The following SEMA3A variants were observed in gnomAD, a reference collection of about 807,000 sequenced individuals.
SEMA3A encodes the protein semaphorin-3A.
SEMA3A carries 29 observed loss-of-function variants against 97.9 expected under a neutral mutation model. That is an observed-to-expected ratio of 0.30 (90% CI 0.22 to 0.40). The LOEUF (loss-of-function observed/expected upper bound fraction) is 0.40, where lower values mean the gene tolerates loss of function less well. SEMA3A is among the 10% of genes least tolerant of loss of function. The probability of loss-of-function intolerance (pLI) is 1.00; values close to 1 mark genes in which losing one functional copy is unlikely to be tolerated. For missense variants in SEMA3A, 763 were observed against 951.3 expected, an observed-to-expected ratio of 0.80 and a Z score of 2.60; for synonymous variants, 321 against 323.7, an observed-to-expected ratio of 0.99 and a Z score of 0.09.
chr7:84,273,845 A>G (rs28573206), intron 3 of SEMA3A, among the ~76,000 whole-genome samples: 1 of 151,820 alleles, frequency 6.6e-6, no homozygotes, highest in Non-Finnish European at 1.5e-5. Flanking sequence ...TTTTATTTCC[A>G]TATTACAGGG....
chr7:84,044,014 C>T (rs1487722870), intron 6 of SEMA3A, among the ~76,000 whole-genome samples: 2 of 151,986 alleles, frequency 1.3e-5, no homozygotes, highest in Non-Finnish European at 2.9e-5. Flanking sequence ...TTATGTTATT[C>T]CATCTTCTAA....
chr7:84,444,608 C>A (rs2116348481), intron 1 of SEMA3A, among the ~76,000 whole-genome samples: 1 of 145,910 alleles, frequency 6.9e-6, no homozygotes, highest in East Asian at 2.0e-4. Context: ...GTCTCCCAGT[C>A]TGGAGTACAG....
chr7:84,266,347 T>C (rs1800002419), intron 3 of SEMA3A, among the ~76,000 whole-genome samples: 1 of 150,948 alleles, frequency 6.6e-6, no homozygotes, highest in Admixed American at 6.6e-5. Flanking sequence ...AGAAAAATGT[T>C]TCTAATTGTA....
intron 3 of SEMA3A, among the ~76,000 whole-genome samples, chr7:84,237,589 A>G (rs1227965339): frequency 3.3e-5 from 5 of 152,082 alleles, no homozygotes; most frequent in African/African-American, 1.2e-4. Flanking sequence ...GTGACAAGAT[A>G]GATACTATTA....
intron 4 of SEMA3A, among the ~76,000 whole-genome samples, chr7:84,080,308 A>T (rs1240272189): frequency 6.6e-6 from 1 of 151,706 alleles, no homozygotes; most frequent in African/African-American, 2.4e-5. Context: ...CATATGTAAC[A>T]AACCTGCACA....
intron 3 of SEMA3A, among the ~76,000 whole-genome samples, chr7:84,265,833 G>A (rs907615358): frequency 2.0e-5 from 3 of 151,834 alleles, no homozygotes; most frequent in Admixed American, 6.6e-5. Flanking sequence ...CTTAGATGAC[G>A]CCAAACTATG....
At chr7:83,987,727 C>G (rs187742298) in intron 12 of SEMA3A, among the ~76,000 whole-genome samples, 1 of 152,204 alleles carries the variant, frequency 6.6e-6, no homozygotes, top group Non-Finnish European at 1.5e-5. Context: ...ACTTACCCCA[C>G]TATACTGTCT....
chr7:84,273,780 G>T (rs1800215702), intron 3 of SEMA3A, among the ~76,000 whole-genome samples: 1 of 151,990 alleles, frequency 6.6e-6, no homozygotes, highest in African/African-American at 2.4e-5. Context: ...TCTTTGTCCT[G>T]CTCTATTTTT....
chr7:84,311,176 A>C (rs1483290458), intron 2 of SEMA3A, among the ~76,000 whole-genome samples: 1 of 151,978 alleles, frequency 6.6e-6, no homozygotes, highest in South Asian at 2.1e-4. Flanking sequence ...GCAAGGTTTT[A>C]GGTGCAAAAT....
chr7:84,385,489 T>C (rs968520586), intron 1 of SEMA3A, among the ~76,000 whole-genome samples: 1 of 152,220 alleles, frequency 6.6e-6, no homozygotes, highest in Non-Finnish European at 1.5e-5. Context: ...CATCGTTTCA[T>C]TGCTAGTACA....
In SEMA3A at chr7:83,961,670, A is replaced by G; in HGVS notation, c.2017T>C (p.Leu673=). Residue 673 remains leucine, a synonymous_variant, in exon 17 of 17, where the codon TTG becomes CTG. Coordinates refer to ENST00000265362, the MANE Select transcript of SEMA3A (RefSeq NM_006080.3). ...TCATCTTTATGAAGAAGTTCTTCCAAATGCTCTGTGTCAATGACTTCCAGG... is the reference window on the plus strand; with the variant it reads ...TCATCTTTATGAAGAAGTTCTTCCAGATGCTCTGTGTCAATGACTTCCAGG... ...VTLEVIDTEH[L]EELLHKDDDG... 6.2e-7 allele frequency: 1 copy of G among 1,613,808 alleles called. No homozygotes were observed. Among genetic ancestry groups the G allele is most frequent in the Non-Finnish European group, 8.5e-7 (1 of 1,179,840 alleles).
At chr7:84,137,928 C>T (rs1282368150) in intron 1 of SEMA3A, among the ~76,000 whole-genome samples, 1 of 152,140 alleles carries the variant, frequency 6.6e-6, no homozygotes, top group Non-Finnish European at 1.5e-5. Flanking sequence ...CACCACAGTA[C>T]TTATCTTTTA....
intron 1 of SEMA3A, among the ~76,000 whole-genome samples, chr7:84,433,247 C>T (rs1346085041): frequency 6.8e-6 from 1 of 146,334 alleles, no homozygotes; most frequent in Non-Finnish European, 1.5e-5. Context: ...CCCCGACAGG[C>T]CCCAGTGTGT....
intron 2 of SEMA3A, among the ~76,000 whole-genome samples, chr7:84,351,149 T>C (rs1802429120): frequency 6.6e-6 from 1 of 151,926 alleles, no homozygotes; most frequent in African/African-American, 2.4e-5. Flanking sequence ...CAGAAGCTTG[T>C]AGAGGGCAAA....
intron 1 of SEMA3A, among the ~76,000 whole-genome samples, chr7:84,414,160 A>G (rs568373922): frequency 6.6e-6 from 1 of 152,280 alleles, no homozygotes; most frequent in African/African-American, 2.4e-5. Context: ...CTTGTTTTAT[A>G]TTAAAAATAG....
chr7:84,167,022 T>C (rs1252996493), intron 1 of SEMA3A, among the ~76,000 whole-genome samples: 1 of 48,600 alleles, frequency 2.1e-5, no homozygotes, highest in Admixed American at 2.7e-4. Context: ...ACTTGCTGAA[T>C]GAATGAACGA....
intron 1 of SEMA3A, among the ~76,000 whole-genome samples, chr7:84,426,637 A>G (rs1388675921): frequency 6.6e-6 from 1 of 152,164 alleles, no homozygotes; most frequent in Non-Finnish European, 1.5e-5. Context: ...TAGGATTCTT[A>G]CAAATTTATC....
chr7:84,291,597 T>C (rs1406731817), intron 3 of SEMA3A, among the ~76,000 whole-genome samples: 1 of 152,148 alleles, frequency 6.6e-6, no homozygotes. Context: ...GAAATTTGTG[T>C]TACCATGTTC....
At chr7:84,331,393 G>C (rs1364656575) in intron 2 of SEMA3A, among the ~76,000 whole-genome samples, 1 of 152,040 alleles carries the variant, frequency 6.6e-6, no homozygotes, top group Non-Finnish European at 1.5e-5. Context: ...TTATAATAAA[G>C]TTTGAAAATG....
Sources: allele counts gnomAD v4.1 joint callset (sites outside exome capture counted in the v4.1 genomes callset), GRCh38; gene constraint gnomAD v4.1.1; transcripts MANE v1.5; gene names NCBI Gene and HGNC (gene_info 2026-07-23, HGNC 2026-07-21).